Variants in LRRK1 observed in about 807,000 individuals in gnomAD.
LRRK1 encodes leucine-rich repeat serine/threonine-protein kinase 1.
In LRRK1, 113 loss-of-function variants were observed where a neutral mutation model predicts 209.1. The ratio of observed to expected loss-of-function variants is 0.54; its 90% confidence interval spans 0.46 to 0.63. The LOEUF (loss-of-function observed/expected upper bound fraction) is 0.63. LRRK1 is among the 30% of genes least tolerant of loss of function. The probability of loss-of-function intolerance (pLI) is 0.00; values close to 1 mark genes in which losing one functional copy is unlikely to be tolerated. For synonymous variants in LRRK1, 1,144 were observed against 1,099.7 expected (o/e 1.04, Z -0.80); for missense variants, 2,284 against 2,632.2 (o/e 0.87, Z 2.89).
At chr15:100,920,104 C>G (rs906381898) in intron 1 of LRRK1, 1 of 152,726 alleles carries the variant, frequency 6.5e-6, no homozygotes, top group African/African-American at 2.4e-5. Context: ...ACCTTCCTGG[C>G]AGGCAGGGAC....
intron 2 of LRRK1, among the ~76,000 whole-genome samples, chr15:100,953,705 G>C (rs758542339): frequency 1.3e-5 from 2 of 152,022 alleles, no homozygotes; most frequent in Non-Finnish European, 2.9e-5. Context: ...ACCCAGCAGT[G>C]GGATTTCTGA....
intron 23 of LRRK1, 45 bp downstream of exon 23, chr15:101,049,828 T>C: frequency 1.3e-6 from 2 of 1,585,114 alleles, no homozygotes; most frequent in African/African-American, 2.7e-5. Flanking sequence ...TGCTAATATT[T>C]CTTATGAATC....
At chr15:100,961,892 G>A (rs1040758841) in intron 2 of LRRK1, among the ~76,000 whole-genome samples, 1 of 152,140 alleles carries the variant, frequency 6.6e-6, no homozygotes, top group African/African-American at 2.4e-5. Flanking sequence ...GCATCCGGCA[G>A]GACTCAATAA....
Position 101,058,153 on chromosome 15 carries a change from C to G in LRRK1, c.4679+12C>G. 4 of 1,613,446 alleles carry G rather than the reference C, an allele frequency of 2.5e-6. No individual in the cohort carries two copies. The highest frequency in any genetic ancestry group is 3.4e-6 in the Non-Finnish European group (4 of 1,179,702). On this transcript the variant is annotated intron_variant, in intron 29 of 33. Coordinates refer to ENST00000388948, the MANE Select transcript of LRRK1 (RefSeq NM_024652.6). Reference sequence around the variant, plus strand: ...AAAGAGGAGTCCAGGTAAGCTCCTGCGGGCTGCCCTGCCCCCTTTGTATTT... The same window carrying G: ...AAAGAGGAGTCCAGGTAAGCTCCTGGGGGCTGCCCTGCCCCCTTTGTATTT...
chr15:101,070,025 T>C lies in LRRK1; in HGVS notation c.*1177T>C, dbSNP rs1199679511. 2 of 152,220 alleles carry C rather than the reference T, an allele frequency of 1.3e-5. No homozygotes were observed. The highest frequency in any genetic ancestry group is 2.9e-5 in the Non-Finnish European group (2 of 68,034). 9.4% of individuals were successfully genotyped at this position (152,220 alleles called of 1,614,324 possible). Reference sequence around the variant, plus strand: ...GAAGTTTGTTGACCCTTTTCTAAAATTAAAAAGATCAAATTTAGTATTTGC... The same window carrying C: ...GAAGTTTGTTGACCCTTTTCTAAAACTAAAAAGATCAAATTTAGTATTTGC... On this transcript the variant is annotated 3_prime_UTR_variant, in exon 34 of 34. Transcript: ENST00000388948.
chr15:100,941,416 G>C (rs1210349291), intron 2 of LRRK1, among the ~76,000 whole-genome samples: 4 of 101,928 alleles, frequency 3.9e-5, no homozygotes, highest in African/African-American at 2.1e-4. Context: ...GTGTCTCTGT[G>C]TGTGTGTGTG....
intron 21 of LRRK1, among the ~76,000 whole-genome samples, chr15:101,046,637 C>A (rs1275172234): frequency 6.6e-6 from 1 of 152,214 alleles, no homozygotes; most frequent in Non-Finnish European, 1.5e-5. Context: ...AGACACAGAC[C>A]ACACTCCAGA....
chr15:101,010,610 C>T (rs1380458796), intron 8 of LRRK1, 33 bp downstream of exon 8: 2 of 1,599,474 alleles, frequency 1.3e-6, no homozygotes, highest in Admixed American at 3.5e-5. Flanking sequence ...GTGAATTAGT[C>T]ATTTTCTTCT....
chr15:101,067,425 GTGT>G, intron 33 of LRRK1: 1 of 50,926 alleles, frequency 2.0e-5, no homozygotes, highest in Non-Finnish European at 5.1e-5. Flanking sequence ...GTTCAAATGT[GTGT>G]GTGTGTGTGT....
At chr15:100,989,614 A>T in intron 6 of LRRK1, 1 of 590,334 alleles carries the variant, frequency 1.7e-6, no homozygotes, top group Non-Finnish European at 3.0e-6. Flanking sequence ...GAGAGGGAAG[A>T]ACTCACTTTT....
intron 2 of LRRK1, among the ~76,000 whole-genome samples, chr15:100,939,997 A>T (rs999362776): frequency 6.6e-6 from 1 of 152,120 alleles, no homozygotes; most frequent in African/African-American, 2.4e-5. Flanking sequence ...ATCTTTTGGC[A>T]TGACCCCAGA....
chr15:101,001,993 C>G (rs1202456678), intron 6 of LRRK1, among the ~76,000 whole-genome samples: 1 of 152,206 alleles, frequency 6.6e-6, no homozygotes, highest in African/African-American at 2.4e-5. Context: ...GTGCATATGT[C>G]ACAGGGGCCA....
intron 2 of LRRK1, among the ~76,000 whole-genome samples, chr15:100,941,358 G>GTGTCTGTGTCTC (rs2042413281): frequency 7.0e-6 from 1 of 141,988 alleles, no homozygotes; most frequent in African/African-American, 2.9e-5. Flanking sequence ...TTGTGTGTGT[G>GTGTCTGTGTCTC]TGTGTGTGCC....
At position 101,070,297 on chromosome 15, in the gene LRRK1, GT is replaced by G. The variant is rs546966549; in HGVS notation, c.*1450del. On this transcript the variant is annotated 3_prime_UTR_variant, in exon 34 of 34. Transcript: ENST00000388948. ...TCAGTCACAGGCTTGGAAAAAGCGA[GT>G]CCCCCCACTCTTTTTTTTTTTTTTT... The G allele has an allele frequency of 7.2e-6, 1 of 139,604 alleles. No individual in the cohort carries two copies. Among genetic ancestry groups the G allele is most frequent in the East Asian group, 2.1e-4 (1 of 4,782 alleles). The allele number at this position is 139,604 out of a possible 1,614,324, so 8.6% of individuals were successfully genotyped here. A position where few individuals can be genotyped will look rare whatever the true frequency, so the allele number is the denominator to read the frequency against.
At position 101,027,991 on chromosome 15, in the gene LRRK1, A is replaced by G. The variant is rs1246925405; in HGVS notation, c.2686+194A>G. On this transcript the variant is annotated intron_variant, in intron 19 of 33. Transcript: ENST00000388948. The surrounding 1 kb of genome is among the most constrained non-coding windows in gnomAD (Gnocchi z 5.1). ...GGGAGAGAACACAAACAGCTACTCT[A>G]CACCAGCATTGTGTTTGCCACGAGG... Among the ~76,000 whole-genome samples, 1 of 152,002 alleles carries G rather than the reference A, an allele frequency of 6.6e-6. No homozygotes were observed. Among genetic ancestry groups the G allele is most frequent in the African/African-American group, 2.4e-5 (1 of 41,382 alleles).
rs1466891786 is a variant in LRRK1 at position 101,075,116 on chromosome 15, C to T, written c.*6268C>T. The stretch of plus-strand genomic sequence containing the variant: ...AAACCCGTCCCCTTCTTAATCAATA[C>T]GGAGGCTACCCACTCCACATTACCT... On this transcript the variant is annotated 3_prime_UTR_variant, in exon 34 of 34. Transcript: ENST00000388948. 5.8e-5 allele frequency: 4 copies of T among 68,746 alleles called. 1 individual carries two copies. The highest frequency in any genetic ancestry group is 2.8e-4 in the East Asian group (1 of 3,580). 4.3% of individuals were successfully genotyped at this position (68,746 alleles called of 1,614,324 possible). A position where few individuals can be genotyped will look rare whatever the true frequency, so the allele number is the denominator to read the frequency against.
chr15:100,933,316 G>C (rs1437392900), intron 2 of LRRK1, among the ~76,000 whole-genome samples: 1 of 152,100 alleles, frequency 6.6e-6, no homozygotes, highest in African/African-American at 2.4e-5. Flanking sequence ...CTGGGTGAGG[G>C]TCCTCTTCCA....
At chr15:100,978,100 C>T (rs747621101) in intron 3 of LRRK1, among the ~76,000 whole-genome samples, 5 of 151,572 alleles carry the variant, frequency 3.3e-5, no homozygotes, top group Non-Finnish European at 7.4e-5. Context: ...TAAAAAAAAA[C>T]TCAATGAATG....
rs576596951 is a variant in LRRK1, at chr15:100,924,561, A to G, written c.-72A>G. The G allele has an allele frequency of 5.4e-4, 732 of 1,365,664 alleles. 5 individuals carry two copies. In the South Asian group the frequency reaches 6.0e-3, roughly 11 times the overall value. 84.6% of individuals were successfully genotyped at this position (1,365,664 alleles called of 1,614,324 possible). ...TGGCTACGAGTCCACGCCTTAATGCACCCCACAGCCAGCGGCAGTGGCAGT... is the reference window on the plus strand; with the variant it reads ...TGGCTACGAGTCCACGCCTTAATGCGCCCCACAGCCAGCGGCAGTGGCAGT... On this transcript the variant is annotated 5_prime_UTR_variant, in exon 2 of 34. Transcript: ENST00000388948.
Sources: allele counts gnomAD v4.1 joint callset (sites outside exome capture counted in the v4.1 genomes callset), GRCh38; gene constraint gnomAD v4.1.1; non-coding constraint Gnocchi (gnomAD v3.1); transcripts MANE v1.5; gene names NCBI Gene and HGNC (gene_info 2026-07-23, HGNC 2026-07-21).